CLYBL: variants seen among roughly 807,000 people sequenced by gnomAD.
The protein encoded by CLYBL is citramalyl-CoA lyase, mitochondrial.
A neutral mutation model predicts 38.9 loss-of-function variants in CLYBL; 31 were observed. The observed-to-expected ratio is 0.80, with a 90% CI of 0.60 to 1.08. CLYBL has a LOEUF of 1.08. Ranked by LOEUF, CLYBL falls within the 50% of genes least tolerant of loss-of-function variation. CLYBL has a pLI of 0.00. For missense variants in CLYBL, 434 were observed against 411.6 expected, an observed-to-expected ratio of 1.05 and a Z score of -0.47; for synonymous variants, 171 against 158.6, an observed-to-expected ratio of 1.08 and a Z score of -0.59.
At chr13:99,850,624 C>T (rs893357270) in intron 2 of CLYBL, among the ~76,000 whole-genome samples, 2 of 152,134 alleles carry the variant, frequency 1.3e-5, no homozygotes, top group Non-Finnish European at 2.9e-5. Context: ...GGCAGTTCCT[C>T]AAAAAGCTAA....
chr13:99,737,494 G>A (rs1461454973), intron 1 of CLYBL, among the ~76,000 whole-genome samples: 1 of 152,172 alleles, frequency 6.6e-6, no homozygotes, highest in African/African-American at 2.4e-5. Flanking sequence ...GGTGTGCTGG[G>A]TTCCAAAGCC....
At chr13:99,788,879 G>T (rs1347436471) in intron 2 of CLYBL, among the ~76,000 whole-genome samples, 1 of 152,050 alleles carries the variant, frequency 6.6e-6, no homozygotes, top group African/African-American at 2.4e-5. Context: ...CAATTTCAGA[G>T]CCTGTTATTG....
chr13:99,709,467 T>C lies in CLYBL; in HGVS notation c.63-63357T>C, dbSNP rs2048194984. 2.0e-5 allele frequency among the ~76,000 whole-genome samples: 3 copies of C among 152,320 alleles called. No homozygotes were observed. The South Asian group carries it at 6.2e-4, about 32-fold the overall frequency. Reference sequence around the variant, plus strand: ...CTGCCTTTGTCCATGTCCTGGCCAATGGGAGATACATTTTCTCCTTCTCAG... The same window carrying C: ...CTGCCTTTGTCCATGTCCTGGCCAACGGGAGATACATTTTCTCCTTCTCAG... On this transcript the variant is annotated intron_variant, in intron 1 of 8. Transcript: ENST00000339105.
intron 1 of CLYBL, among the ~76,000 whole-genome samples, chr13:99,617,524 C>T (rs1481257655): frequency 6.6e-6 from 1 of 152,180 alleles, no homozygotes; most frequent in Non-Finnish European, 1.5e-5. Context: ...AAACAGCAAA[C>T]AGAAAACCCC....
chr13:99,638,514 T>C (rs1385413935), intron 1 of CLYBL, among the ~76,000 whole-genome samples: 1 of 152,242 alleles, frequency 6.6e-6, no homozygotes, highest in Admixed American at 6.5e-5. Flanking sequence ...GTGCTAGACA[T>C]GCGGGATTTC....
intron 1 of CLYBL, among the ~76,000 whole-genome samples, chr13:99,760,918 T>C (rs1437015013): frequency 1.3e-5 from 2 of 152,250 alleles, no homozygotes; most frequent in Non-Finnish European, 2.9e-5. Context: ...CAATAGATTA[T>C]TGTAAACTAC....
intron 1 of CLYBL, among the ~76,000 whole-genome samples, chr13:99,647,526 G>A (rs1419442838): frequency 6.6e-6 from 1 of 152,054 alleles, no homozygotes; most frequent in African/African-American, 2.4e-5. Flanking sequence ...TGAAGGGAAT[G>A]TATGCTGATT....
intron 2 of CLYBL, among the ~76,000 whole-genome samples, chr13:99,829,908 A>G (rs1191210689): frequency 1.3e-5 from 2 of 152,210 alleles, no homozygotes; most frequent in African/African-American, 4.8e-5. Flanking sequence ...ATTGTTGAAT[A>G]TGATCATTGG....
chr13:99,609,992 T>C (rs932971816), intron 1 of CLYBL, among the ~76,000 whole-genome samples: 6 of 152,346 alleles, frequency 3.9e-5, no homozygotes, highest in African/African-American at 1.2e-4. Flanking sequence ...AGCCTGCAGC[T>C]CCTGGGCTCA....
intron 1 of CLYBL, among the ~76,000 whole-genome samples, chr13:99,618,382 GCCT>G (rs971241337): frequency 7.2e-5 from 11 of 151,996 alleles, no homozygotes; most frequent in African/African-American, 2.7e-4. Flanking sequence ...CAACTCTCCT[GCCT>G]CTGCCTCCGA....
chr13:99,855,003 T>C (rs146599382), intron 2 of CLYBL, among the ~76,000 whole-genome samples: 4 of 152,338 alleles, frequency 2.6e-5, no homozygotes, highest in Non-Finnish European at 5.9e-5. Context: ...CCTGCAAAGA[T>C]TGTAATCTGT....
At chr13:99,666,367 A>C (rs2047481374) in intron 1 of CLYBL, among the ~76,000 whole-genome samples, 1 of 152,068 alleles carries the variant, frequency 6.6e-6, no homozygotes, top group African/African-American at 2.4e-5. Context: ...CCTTCACTGC[A>C]TGGGGATGAC....
At chr13:99,632,496 C>T (rs1297838668) in intron 1 of CLYBL, among the ~76,000 whole-genome samples, 1 of 152,236 alleles carries the variant, frequency 6.6e-6, no homozygotes, top group African/African-American at 2.4e-5. Flanking sequence ...AATCCCAGCA[C>T]TTTGGGAGAC....
At chr13:99,770,080 C>CTTTTTTTTT (rs3033589) in intron 1 of CLYBL, among the ~76,000 whole-genome samples, 8 of 103,184 alleles carry the variant, frequency 7.8e-5, no homozygotes, top group Admixed American at 2.2e-4. Context: ...TCTTTTCTTT[C>CTTTTTTTTT]TTTTTTTTTT....
intron 1 of CLYBL, among the ~76,000 whole-genome samples, chr13:99,702,547 G>T (rs781542926): frequency 9.3e-5 from 14 of 151,034 alleles, no homozygotes; most frequent in Non-Finnish European, 1.8e-4. Flanking sequence ...CAGGAGAGTC[G>T]CTTGAACCTG....
intron 1 of CLYBL, among the ~76,000 whole-genome samples, chr13:99,622,211 C>G (rs182241243): frequency 3.1e-4 from 47 of 152,384 alleles, no homozygotes; most frequent in Non-Finnish European, 8.8e-5. Flanking sequence ...CGCCCCAACT[C>G]AGGGTCAGCT....
At chr13:99,871,173 G>GA in intron 7 of CLYBL, 111 bp downstream of exon 7, 2 of 1,222,668 alleles carry the variant, frequency 1.6e-6, no homozygotes, top group South Asian at 2.6e-5. Flanking sequence ...TATCTGGAGA[G>GA]GGGGGAAAGG....
chr13:99,642,412 G>GTTA (rs71118497), intron 1 of CLYBL, among the ~76,000 whole-genome samples: 37,915 of 150,930 alleles, frequency 0.25, 5,840 homozygotes, highest in East Asian at 0.57. Flanking sequence ...TATGATTATT[G>GTTA]TTATTATTAT....
intron 2 of CLYBL, among the ~76,000 whole-genome samples, chr13:99,837,251 C>T (rs1167110552): frequency 6.6e-6 from 1 of 152,064 alleles, no homozygotes; most frequent in African/African-American, 2.4e-5. Flanking sequence ...AGTTTGCGAC[C>T]AGCCTGGGCA....
Sources: gnomAD v4.1 joint callset for allele counts (sites outside exome capture counted in the v4.1 genomes callset) on GRCh38, gnomAD v4.1.1 for gene constraint, MANE v1.5 for transcripts, NCBI Gene and HGNC (gene_info 2026-07-23, HGNC 2026-07-21) for gene names.